The following ACOX2 variants were observed in gnomAD, a reference collection of about 807,000 sequenced individuals.
The protein encoded by ACOX2 is peroxisomal acyl-coenzyme A oxidase 2.
ACOX2 carries 59 observed loss-of-function variants against 77.5 expected under a neutral mutation model. The observed-to-expected ratio is 0.76, with a 90% CI of 0.62 to 0.95. The LOEUF (loss-of-function observed/expected upper bound fraction) is 0.95, where lower values mean the gene tolerates loss of function less well. Among genes scored for constraint, ACOX2 ranks in the 40% least tolerant of loss-of-function variants. The probability of loss-of-function intolerance (pLI) is 0.00; values close to 1 mark genes in which losing one functional copy is unlikely to be tolerated. For missense variants in ACOX2, 837 were observed against 880.4 expected (o/e 0.95, Z 0.62); for synonymous variants, 317 against 340.1 (o/e 0.93, Z 0.75).
chr3:58,534,968 T>C lies in ACOX2; in HGVS notation c.139A>G (p.Thr47Ala), dbSNP rs1187470878. 9 of 1,614,156 alleles carry C rather than the reference T, an allele frequency of 5.6e-6. No homozygotes were observed. The highest frequency in any genetic ancestry group is 2.2e-5 in the East Asian group (1 of 44,888). ...TTACCAACTTTCCTGCGGAGTGCAGTGTTCTGGGCACCTCCATCAAGGATG... is the reference window on the plus strand; with the variant it reads ...TTACCAACTTTCCTGCGGAGTGCAGCGTTCTGGGCACCTCCATCAAGGATG... ...TNILDGGAQN[T>A]ALRRKVESII... The change falls in exon 2 of 15, where the codon ACT becomes GCT. Residue 47 changes from threonine to alanine, a missense_variant. Transcript: ENST00000302819. This position sits in a 1 kb window ranked among gnomAD's most constrained non-coding sequence, Gnocchi z 4.8.
chr3:58,528,919 G>A lies in ACOX2; in HGVS notation c.1030C>T (p.Gln344Ter), dbSNP rs1279559989. The A allele has an allele frequency of 1.2e-5, 20 of 1,613,472 alleles. No homozygotes were observed. The highest frequency in any genetic ancestry group is 3.3e-5 in the South Asian group (3 of 90,876). Reference sequence around the variant, plus strand: ...GCCAGCTGAGGAAAGAGTTTCTGCTGTTGTGTCTGGTAGTCCAGGACCTTT... The same window carrying A: ...GCCAGCTGAGGAAAGAGTTTCTGCTATTGTGTCTGGTAGTCCAGGACCTTT... ...EAKVLDYQTQ[Q>*]QKLFPQLAIS... The change falls in exon 9 of 15, where the codon CAG (glutamine) becomes TAG (stop). Residue 344 changes from glutamine (Q) to a stop codon, truncating the protein, a stop_gained. Transcript: ENST00000302819. LOFTEE classifies it high-confidence loss of function. The surrounding 1 kb of genome is among the most constrained non-coding windows in gnomAD (Gnocchi z 5.6).
At position 58,526,706 on chromosome 3, in the gene ACOX2, A is replaced by AGG; in HGVS notation, c.1156-52_1156-51dup. On this transcript the variant is annotated intron_variant, in intron 9 of 14. Coordinates refer to ENST00000302819, the MANE Select transcript of ACOX2 (RefSeq NM_003500.4). The surrounding 1 kb of genome is among the most constrained non-coding windows in gnomAD (Gnocchi z 4.3). ...GGCGGTGTTAGGGGGCCTCCACCAT[A>AGG]GGGACCAACCCTGTGCACCACTTAC... 6.3e-7 allele frequency: 1 copy of AGG among 1,584,726 alleles called. No individual in the cohort carries two copies. The highest frequency in any genetic ancestry group is 8.6e-7 in the Non-Finnish European group (1 of 1,162,464).
At position 58,524,837 on chromosome 3, in the gene ACOX2, T is replaced by C. The variant is rs922251797; in HGVS notation, c.1347-232A>G. 1.3e-5 allele frequency among the ~76,000 whole-genome samples: 2 copies of C among 152,238 alleles called. No individual in the cohort carries two copies. Among genetic ancestry groups the C allele is most frequent in the African/African-American group, 4.8e-5 (2 of 41,464 alleles). ...ACCTGTGGAGCTGGGCCAGACACTC[T>C]CTGATCCTGAACATAAACCCTTCTG... is the stretch of plus-strand genomic sequence containing the variant. On this transcript the variant is annotated intron_variant, in intron 10 of 14. Coordinates refer to ENST00000302819, the MANE Select transcript of ACOX2 (RefSeq NM_003500.4). This position sits in a 1 kb window ranked among gnomAD's most constrained non-coding sequence, Gnocchi z 5.5.
Position 58,531,390 on chromosome 3 carries a change from C to T in ACOX2, c.704-24G>A, listed in dbSNP as rs201245443. Reference sequence around the variant, plus strand: ...TCCTTGAAGGAGATGGAGATGAGGACACCTATCAGTTGAGAGAGTGCTTGC... The same window carrying T: ...TCCTTGAAGGAGATGGAGATGAGGATACCTATCAGTTGAGAGAGTGCTTGC... On this transcript the variant is annotated intron_variant, in intron 6 of 14. Coordinates refer to ENST00000302819, the MANE Select transcript of ACOX2 (RefSeq NM_003500.4). This position sits in a 1 kb window ranked among gnomAD's most constrained non-coding sequence, Gnocchi z 5.8. 1.5e-3 allele frequency: 2,437 copies of T among 1,599,322 alleles called. 4 individuals carry two copies. Among genetic ancestry groups the T allele is most frequent in the Non-Finnish European group, 1.9e-3 (2,259 of 1,167,114 alleles).
In ACOX2 at chr3:58,528,634, C is replaced by T. The variant is rs559819757; in HGVS notation, c.1155+160G>A. The stretch of plus-strand genomic sequence containing the variant: ...GGCTGGTTGTGGGTAAATTTATATA[C>T]CAGGGTGCCGTTCACCCAGACGCCC... On this transcript the variant is annotated intron_variant, in intron 9 of 14. Coordinates refer to ENST00000302819, the MANE Select transcript of ACOX2 (RefSeq NM_003500.4). The surrounding 1 kb of genome is among the most constrained non-coding windows in gnomAD (Gnocchi z 5.6). Among the ~76,000 whole-genome samples, 3 of 151,632 alleles carry T rather than the reference C, an allele frequency of 2.0e-5. No homozygotes were observed. Among genetic ancestry groups the T allele is most frequent in the South Asian group, 2.1e-4 (1 of 4,784 alleles).
In ACOX2 at chr3:58,534,526, C is replaced by T. The variant is rs373773050; in HGVS notation, c.161-4G>A. The T allele has an allele frequency of 4.3e-6, 7 of 1,614,054 alleles. No individual in the cohort carries two copies. In the African/African-American group the frequency reaches 8.0e-5, roughly 18 times the overall value. ...GGGTAACTGTGGATGATGCTCTCTG[C>T]AGAGGACAGAGAACAGAGGGCTTAG... On this transcript the variant is annotated splice_polypyrimidine_tract_variant and splice_region_variant and intron_variant, in intron 2 of 14. Transcript: ENST00000302819. This position sits in a 1 kb window ranked among gnomAD's most constrained non-coding sequence, Gnocchi z 4.8.
In ACOX2 at chr3:58,524,376, C is replaced by A; in HGVS notation, c.1526+50G>T. ...AACCAATCCAAAGGCCCTAGTGTGG[C>A]ATGGAGCCTGTGCCCAGGTGGGATG... On this transcript the variant is annotated intron_variant, in intron 11 of 14. Transcript: ENST00000302819. The surrounding 1 kb of genome is among the most constrained non-coding windows in gnomAD (Gnocchi z 5.5). 6.3e-7 allele frequency: 1 copy of A among 1,588,506 alleles called. No homozygotes were observed.
rs112262996 is a variant in ACOX2, at chr3:58,533,740, G to C, written c.476-188C>G. 1.5e-6 allele frequency: 1 copy of C among 669,598 alleles called. No homozygotes were observed. The highest frequency in any genetic ancestry group is 2.7e-5 in the East Asian group (1 of 36,702). The allele number at this position is 669,598 out of a possible 1,614,324, so 41.5% of individuals were successfully genotyped here. A position where few individuals can be genotyped will look rare whatever the true frequency, so the allele number is the denominator to read the frequency against. ...TGTGTGGGACACACAGTCCCCTATA[G>C]CCAGTCCATGAGAAGGGGTGGCTGC... On this transcript the variant is annotated intron_variant, in intron 4 of 14. Coordinates refer to ENST00000302819, the MANE Select transcript of ACOX2 (RefSeq NM_003500.4). The surrounding 1 kb of genome is among the most constrained non-coding windows in gnomAD (Gnocchi z 5.6).
rs1156595299 is a variant in ACOX2, at chr3:58,534,431, T to C, written c.252A>G (p.Ala84=). 1 of 1,614,086 alleles carries C rather than the reference T, an allele frequency of 6.2e-7. No homozygotes were observed. Among genetic ancestry groups the C allele is most frequent in the African/African-American group, 1.3e-5 (1 of 74,940 alleles). The change falls in exon 3 of 15, where the codon GCA becomes GCG. Residue 84 remains alanine, a synonymous_variant. Coordinates refer to ENST00000302819, the MANE Select transcript of ACOX2 (RefSeq NM_003500.4). This position sits in a 1 kb window ranked among gnomAD's most constrained non-coding sequence, Gnocchi z 4.8. ...GCCGAGCTATCAACCGGATGTGGAA[T>C]GCCCTCCGCATGGCAGCCTTATAAC... ...NERYKAAMRR[A]FHIRLIARRL... is the part of the protein sequence containing the mutation.
At chr3:58,506,264 A>G (rs2107981656) in intron 14 of ACOX2, among the ~76,000 whole-genome samples, 1 of 152,310 alleles carries the variant, frequency 6.6e-6, no homozygotes, top group Non-Finnish European at 1.5e-5. Context: ...TTGGGGAAAA[A>G]CAGGATTTTT....
rs1577003940 is a variant in ACOX2, at chr3:58,535,282, A to C, written c.-91-85T>G. The C allele has an allele frequency of 1.5e-6, 1 of 689,194 alleles. No homozygotes were observed. Among genetic ancestry groups the C allele is most frequent in the Non-Finnish European group, 2.5e-6 (1 of 407,508 alleles). The allele number at this position is 689,194 out of a possible 1,614,324, so 42.7% of individuals were successfully genotyped here. A position where few individuals can be genotyped will look rare whatever the true frequency, so the allele number is the denominator to read the frequency against. On this transcript the variant is annotated intron_variant, in intron 1 of 14. Coordinates refer to ENST00000302819, the MANE Select transcript of ACOX2 (RefSeq NM_003500.4). The surrounding 1 kb of genome is among the most constrained non-coding windows in gnomAD (Gnocchi z 4.8). ...AGACATCCCTAAGTACCTGAATGCC[A>C]CTCCACCTCCCCACTCCCCCTGTGG... is the stretch of plus-strand genomic sequence containing the variant.
Position 58,505,670 on chromosome 3 carries a change from T to C in ACOX2, c.1984-384A>G, listed in dbSNP as rs2063229136. Among the ~76,000 whole-genome samples, 1 of 152,220 alleles carries C rather than the reference T, an allele frequency of 6.6e-6. No individual in the cohort carries two copies. Among genetic ancestry groups the C allele is most frequent in the Non-Finnish European group, 1.5e-5 (1 of 68,032 alleles). On this transcript the variant is annotated intron_variant, in intron 14 of 14. Transcript: ENST00000302819. The surrounding 1 kb of genome is among the most constrained non-coding windows in gnomAD (Gnocchi z 4.4). ...AGGTCCGACTAGGTTATCCTCATTA[T>C]GCTGTAATTCAGTGTCTTGATTCTT...
chr3:58,527,534 A>AG (rs2063404891), intron 9 of ACOX2, among the ~76,000 whole-genome samples: 1 of 149,786 alleles, frequency 6.7e-6, no homozygotes, highest in Non-Finnish European at 1.5e-5. Context: ...AGACTGTCTC[A>AG]GGAAAAAAAA....
At chr3:58,537,019 C>G (rs911172584) in intron 1 of ACOX2, 100 bp downstream of exon 1, 1 of 152,422 alleles carries the variant, frequency 6.6e-6, no homozygotes, top group East Asian at 1.9e-4. Flanking sequence ...GTGAAGAAAG[C>G]CTTGCTCAGG....
At chr3:58,509,630 T>G (rs4681860) in intron 13 of ACOX2, among the ~76,000 whole-genome samples, 115,524 of 125,666 alleles carry the variant, frequency 0.92, 52,799 homozygotes, top group East Asian at 0.98. Flanking sequence ...TTTTTTTTGA[T>G]ACAGAGTCTC....
Position 58,524,488 on chromosome 3 carries a change from C to G in ACOX2, c.1464G>C (p.Gln488His). Reference sequence around the variant, plus strand: ...CCGGGCAGAGGAAGTCGGCTGCCCTCTGGGCTGGACACCTGGCCAGGTCAG... The same window carrying G: ...CCGGGCAGAGGAAGTCGGCTGCCCTGTGGGCTGGACACCTGGCCAGGTCAG... ...TAPDLARCPAQRAADFLCPEL... is the reference protein window; with the variant it reads ...TAPDLARCPAHRAADFLCPEL... Residue 488 changes from glutamine to histidine, a missense_variant, in exon 11 of 15, where the codon CAG becomes CAC. Gln to His is a conservative substitution (Grantham distance 24). Transcript: ENST00000302819. The surrounding 1 kb of genome is among the most constrained non-coding windows in gnomAD (Gnocchi z 5.5). 3.1e-6 allele frequency: 5 copies of G among 1,613,864 alleles called. No homozygotes were observed. The highest frequency in any genetic ancestry group is 4.2e-6 in the Non-Finnish European group (5 of 1,179,892).
chr3:58,528,723 C>A lies in ACOX2; in HGVS notation c.1155+71G>T. On this transcript the variant is annotated intron_variant, in intron 9 of 14. Coordinates refer to ENST00000302819, the MANE Select transcript of ACOX2 (RefSeq NM_003500.4). This position sits in a 1 kb window ranked among gnomAD's most constrained non-coding sequence, Gnocchi z 5.6. Reference sequence around the variant, plus strand: ...GCCCATGGGGATGGGGCTGTGGCTGCTCCCCAGTGAGTGGAACAATCTTAG... The same window carrying A: ...GCCCATGGGGATGGGGCTGTGGCTGATCCCCAGTGAGTGGAACAATCTTAG... The A allele has an allele frequency of 6.7e-7, 1 of 1,484,514 alleles. No individual in the cohort carries two copies. The highest frequency in any genetic ancestry group is 9.0e-7 in the Non-Finnish European group (1 of 1,115,428). 92.0% of individuals were successfully genotyped at this position (1,484,514 alleles called of 1,614,324 possible).
intron 13 of ACOX2, among the ~76,000 whole-genome samples, chr3:58,516,048 T>A (rs971564060): frequency 6.6e-6 from 1 of 152,144 alleles, no homozygotes; most frequent in Non-Finnish European, 1.5e-5. Flanking sequence ...GGTTTTGATA[T>A]GTTTTTAAAG....
intron 12 of ACOX2, among the ~76,000 whole-genome samples, chr3:58,518,077 A>G (rs1157746267): frequency 1.2e-5 from 1 of 82,024 alleles, no homozygotes; most frequent in African/African-American, 3.1e-5. Context: ...CTCCATCTCA[A>G]AAAAAAAAAA....
Sources: allele counts gnomAD v4.1 joint callset (sites outside exome capture counted in the v4.1 genomes callset), GRCh38; gene constraint gnomAD v4.1.1; non-coding constraint Gnocchi (gnomAD v3.1); transcripts MANE v1.5; gene names NCBI Gene and HGNC (gene_info 2026-07-23, HGNC 2026-07-21).